Variants in CFLAR observed in about 807,000 individuals in gnomAD.
CFLAR encodes the protein CASP8 and FADD like apoptosis regulator, also known as CASP8 and FADD-like apoptosis regulator.
A neutral mutation model predicts 51.1 loss-of-function variants in CFLAR; 14 were observed. The ratio of observed to expected loss-of-function variants is 0.27; its 90% CI spans 0.18 to 0.43. The LOEUF is 0.43. Among genes scored for constraint, CFLAR ranks in the 20% least tolerant of loss-of-function variants. The pLI is 1.00. For missense variants in CFLAR, 390 were observed against 566.5 expected (o/e 0.69, Z 3.16); for synonymous variants, 210 against 211.6 (o/e 0.99, Z 0.06).
intron 7 of CFLAR, 175 bp downstream of exon 7, chr2:201,149,227 A>G (rs761772998): frequency 5.6e-6 from 3 of 536,130 alleles, no homozygotes; most frequent in Non-Finnish European, 1.0e-5. Flanking sequence ...AAGATGTTAA[A>G]GTGGATTGCA....
chr2:201,117,315 T>A (rs910463019), intron 1 of CFLAR, among the ~76,000 whole-genome samples: 5 of 152,184 alleles, frequency 3.3e-5, no homozygotes, highest in African/African-American at 1.2e-4. Context: ...AAATGTAAAC[T>A]GGCTTCAAGA....
rs1363073663 is a variant in CFLAR at position 201,170,936 on chromosome 2, A to T, written c.*6963A>T. On this transcript the variant is annotated 3_prime_UTR_variant, in exon 10 of 10. Transcript: ENST00000309955. ...ACTATGGATGAATCTTATTTACTCAATATTAATTACTTACAAATAACCTCA... is the reference window on the plus strand; with the variant it reads ...ACTATGGATGAATCTTATTTACTCATTATTAATTACTTACAAATAACCTCA... 6.6e-6 allele frequency: 1 copy of T among 152,252 alleles called. No homozygotes were observed. The highest frequency in any genetic ancestry group is 2.4e-5 in the African/African-American group (1 of 41,470). The allele number at this position is 152,252 out of a possible 1,614,324, so 9.4% of individuals were successfully genotyped here. A position where few individuals can be genotyped will look rare whatever the true frequency, so the allele number is the denominator to read the frequency against.
intron 7 of CFLAR, chr2:201,149,412 TG>T: frequency 3.4e-6 from 1 of 295,858 alleles, no homozygotes; most frequent in Non-Finnish European, 6.4e-6. Context: ...CCTTTGTACT[TG>T]GGAACATGCC....
intron 4 of CFLAR, chr2:201,136,650 G>A: frequency 7.6e-7 from 1 of 1,314,926 alleles, no homozygotes; most frequent in Non-Finnish European, 1.0e-6. Context: ...CTCAGCTTGG[G>A]CTTTGTTAGC....
At chr2:201,149,231 G>A (rs1409740778) in intron 7 of CFLAR, 179 bp downstream of exon 7, 2 of 526,684 alleles carry the variant, frequency 3.8e-6, no homozygotes, top group Non-Finnish European at 3.4e-6. Flanking sequence ...TGTTAAAGTG[G>A]ATTGCATTAG....
intron 8 of CFLAR, among the ~76,000 whole-genome samples, chr2:201,156,226 G>C (rs540778601): frequency 2.7e-4 from 41 of 152,300 alleles, no homozygotes; most frequent in African/African-American, 9.6e-4. Context: ...GAGAAGCGCT[G>C]CCTAATCTCT....
chr2:201,165,262 A>C lies in CFLAR; in HGVS notation c.*1289A>C, dbSNP rs1161221920. ...GTTGCTTATTATTATTATTATTATT[A>C]TTATTATTATTATTATTATTATTAT... On this transcript the variant is annotated 3_prime_UTR_variant, in exon 10 of 10. Coordinates refer to ENST00000309955, the MANE Select transcript of CFLAR (RefSeq NM_003879.7). The C allele has an allele frequency of 9.5e-5, 14 of 147,436 alleles. No homozygotes were observed. The highest frequency in any genetic ancestry group is 3.5e-4 in the African/African-American group (14 of 40,462). 9.1% of individuals were successfully genotyped at this position (147,436 alleles called of 1,614,324 possible).
At chr2:201,135,207 A>G (rs1229262179) in intron 3 of CFLAR, among the ~76,000 whole-genome samples, 1 of 152,172 alleles carries the variant, frequency 6.6e-6, no homozygotes, top group African/African-American at 2.4e-5. Flanking sequence ...TGGAAGGCCC[A>G]ATATTGATTC....
intron 6 of CFLAR, among the ~76,000 whole-genome samples, chr2:201,146,129 G>C (rs1940105255): frequency 6.6e-6 from 1 of 151,774 alleles, no homozygotes; most frequent in African/African-American, 2.4e-5. Flanking sequence ...ACCACACCCA[G>C]CTAATTTTTT....
At position 201,118,194 on chromosome 2, in the gene CFLAR, T is replaced by C. The variant is rs2047804129; in HGVS notation, c.-138+1713T>C. ...GTCAAATGTCCTCGTTAAAATGGCT[T>C]TCTCTAGCGACTTTATGTTTTACGT... is the stretch of plus-strand genomic sequence containing the variant. On this transcript the variant is annotated intron_variant, in intron 1 of 9. Coordinates refer to ENST00000309955, the MANE Select transcript of CFLAR (RefSeq NM_003879.7). The surrounding 1 kb of genome is among the most constrained non-coding windows in gnomAD (Gnocchi z 5.1). Among the ~76,000 whole-genome samples the C allele has an allele frequency of 1.3e-5, 2 of 152,376 alleles. No individual in the cohort carries two copies. The highest frequency in any genetic ancestry group is 2.9e-5 in the Non-Finnish European group (2 of 68,042).
chr2:201,168,839 C>G lies in CFLAR; in HGVS notation c.*4866C>G, dbSNP rs372903172. On this transcript the variant is annotated 3_prime_UTR_variant, in exon 10 of 10. Transcript: ENST00000309955. ...CACCAACAATACACAAGCAGAGAGC[C>G]AAATCATGAATGAACTCCCATTCAC... 1 of 152,004 alleles carries G rather than the reference C, an allele frequency of 6.6e-6. No individual in the cohort carries two copies. Among genetic ancestry groups the G allele is most frequent in the African/African-American group, 2.4e-5 (1 of 41,376 alleles). The allele number at this position is 152,004 out of a possible 1,614,324, so 9.4% of individuals were successfully genotyped here.
chr2:201,132,426 G>GAAAAAAAA (rs561568592), intron 2 of CFLAR, among the ~76,000 whole-genome samples: 10 of 137,958 alleles, frequency 7.2e-5, no homozygotes, highest in African/African-American at 2.8e-4. Flanking sequence ...CCTAGGGGGG[G>GAAAAAAAA]AAAAATATAT....
chr2:201,140,095 C>T, intron 4 of CFLAR: 1 of 230,470 alleles, frequency 4.3e-6, no homozygotes, highest in Non-Finnish European at 8.3e-6. Context: ...GCGCCGCTGC[C>T]ACGCTGCAGC....
intron 5 of CFLAR, chr2:201,142,544 C>A (rs1402691241): frequency 1.3e-5 from 2 of 152,178 alleles, no homozygotes; most frequent in African/African-American, 4.8e-5. Flanking sequence ...ATACTCCTTT[C>A]ACTGCACTGT....
chr2:201,154,625 A>T (rs1458153076), intron 8 of CFLAR: 1 of 152,264 alleles, frequency 6.6e-6, no homozygotes, highest in Non-Finnish European at 1.5e-5. Flanking sequence ...GGGTGAATGA[A>T]TGAAGGAATA....
chr2:201,138,390 A>G lies in CFLAR; in HGVS notation c.524-1967A>G. On this transcript the variant is annotated intron_variant, in intron 4 of 9. Coordinates refer to ENST00000309955, the MANE Select transcript of CFLAR (RefSeq NM_003879.7). This position sits in a 1 kb window ranked among gnomAD's most constrained non-coding sequence, Gnocchi z 4.0. The stretch of plus-strand genomic sequence containing the variant: ...TAGTCTCGGTTCTTCAGCGCGGTGC[A>G]GGTGATAATGGCCACCAGCTCATCG... The G allele has an allele frequency of 1.3e-6, 1 of 776,934 alleles. No homozygotes were observed. The highest frequency in any genetic ancestry group is 2.4e-5 in the East Asian group (1 of 41,118). 48.1% of individuals were successfully genotyped at this position (776,934 alleles called of 1,614,324 possible).
At chr2:201,147,028 C>T (rs2125832007) in intron 6 of CFLAR, among the ~76,000 whole-genome samples, 1 of 152,272 alleles carries the variant, frequency 6.6e-6, no homozygotes, top group African/African-American at 2.4e-5. Flanking sequence ...ATTCCGAAGC[C>T]TGTTTAAAGG....
intron 9 of CFLAR, among the ~76,000 whole-genome samples, chr2:201,161,708 C>T (rs1943030245): frequency 6.6e-6 from 1 of 150,590 alleles, no homozygotes; most frequent in Non-Finnish European, 1.5e-5. Flanking sequence ...AGCCACTGCG[C>T]CTGGCCACAA....
chr2:201,170,305 T>A lies in CFLAR; in HGVS notation c.*6332T>A, dbSNP rs1476060819. 3.3e-5 allele frequency: 5 copies of A among 152,202 alleles called. No homozygotes were observed. The highest frequency in any genetic ancestry group is 3.3e-4 in the Admixed American group (5 of 15,274). 9.4% of individuals were successfully genotyped at this position (152,202 alleles called of 1,614,324 possible). A position where few individuals can be genotyped will look rare whatever the true frequency, so the allele number is the denominator to read the frequency against. ...GCTTTTGGTGATACAGTGAATCAGA[T>A]TTTTCATTAATTCTTTTAATTGGTT... On this transcript the variant is annotated 3_prime_UTR_variant, in exon 10 of 10. Coordinates refer to ENST00000309955, the MANE Select transcript of CFLAR (RefSeq NM_003879.7).
Sources: allele counts gnomAD v4.1 joint callset (sites outside exome capture counted in the v4.1 genomes callset), GRCh38; gene constraint gnomAD v4.1.1; non-coding constraint Gnocchi (gnomAD v3.1); transcripts MANE v1.5; gene names NCBI Gene and HGNC (gene_info 2026-07-23, HGNC 2026-07-21).